Variants in MTUS1 observed in about 807,000 individuals in gnomAD.
MTUS1 encodes the protein microtubule-associated tumor suppressor 1.
Under a neutral mutation model 120.8 loss-of-function variants are expected in MTUS1, and 109 were observed. That is an observed-to-expected ratio of 0.90 (90% CI 0.77 to 1.06). The LOEUF (loss-of-function observed/expected upper bound fraction) is 1.06, where lower values mean the gene tolerates loss of function less well. MTUS1 is among the 50% of genes least tolerant of loss of function. MTUS1 has a pLI of 0.00. For missense variants in MTUS1, 2,210 were observed against 1,486.3 expected, an observed-to-expected ratio of 1.49 and a Z score of -8.01; for synonymous variants, 737 against 550.5, an observed-to-expected ratio of 1.34 and a Z score of -4.74.
chr8:17,775,537 C>A (rs1227066771), intron 1 of MTUS1, among the ~76,000 whole-genome samples: 4 of 152,172 alleles, frequency 2.6e-5, no homozygotes, highest in African/African-American at 9.7e-5. Flanking sequence ...AGAAAGCAGC[C>A]ATGTGTACAT....
At chr8:17,705,247 G>A (rs1819923392) in intron 6 of MTUS1, among the ~76,000 whole-genome samples, 1 of 152,170 alleles carries the variant, frequency 6.6e-6, no homozygotes, top group Non-Finnish European at 1.5e-5. Context: ...GCCCCCCAAA[G>A]TGTTGGGATT....
chr8:17,711,169 C>T (rs1174561988), intron 6 of MTUS1, among the ~76,000 whole-genome samples: 3 of 152,144 alleles, frequency 2.0e-5, no homozygotes, highest in Admixed American at 1.3e-4. Context: ...TTAAAATTAC[C>T]AGAAGTATTA....
At chr8:17,765,371 G>C (rs1411916534) in intron 1 of MTUS1, among the ~76,000 whole-genome samples, 4 of 152,144 alleles carry the variant, frequency 2.6e-5, no homozygotes, top group Non-Finnish European at 5.9e-5. Flanking sequence ...GCTCATGCCT[G>C]TAATCCCAGC....
chr8:17,719,156 T>G (rs1386734298), intron 4 of MTUS1, among the ~76,000 whole-genome samples: 1 of 151,728 alleles, frequency 6.6e-6, no homozygotes, highest in Non-Finnish European at 1.5e-5. Flanking sequence ...GGCAACAGAG[T>G]GAGACTCTGT....
At chr8:17,761,240 T>C (rs1288812221) in intron 1 of MTUS1, among the ~76,000 whole-genome samples, 1 of 152,172 alleles carries the variant, frequency 6.6e-6, no homozygotes, top group Non-Finnish European at 1.5e-5. Context: ...AAAAAAACTT[T>C]CTAAATCTTA....
intron 1 of MTUS1, among the ~76,000 whole-genome samples, chr8:17,796,221 G>A (rs894779485): frequency 2.0e-3 from 1 of 494 alleles, no homozygotes; most frequent in Non-Finnish European, 6.7e-3. Context: ...AAAGTGCTGG[G>A]ATTACAATGA....
intron 5 of MTUS1, among the ~76,000 whole-genome samples, chr8:17,714,500 T>G (rs926906301): frequency 2.0e-5 from 3 of 152,168 alleles, no homozygotes; most frequent in African/African-American, 7.2e-5. Flanking sequence ...TGACTCACAT[T>G]TGAAGAGGTT....
At chr8:17,704,061 C>G (rs920768965) in intron 6 of MTUS1, 1 of 152,632 alleles carries the variant, frequency 6.6e-6, no homozygotes, top group African/African-American at 2.4e-5. Flanking sequence ...TGTACTCTTT[C>G]TCTTTATTTC....
At chr8:17,691,392 G>T (rs116114546) in intron 6 of MTUS1, 8 of 152,304 alleles carry the variant, frequency 5.3e-5, no homozygotes, top group Admixed American at 1.3e-4. Flanking sequence ...TTCATGTCAC[G>T]GCAAAGCTAC....
At chr8:17,759,169 C>T (rs1382571016) in intron 1 of MTUS1, among the ~76,000 whole-genome samples, 1 of 152,202 alleles carries the variant, frequency 6.6e-6, no homozygotes, top group Non-Finnish European at 1.5e-5. Context: ...GCATGAGCCA[C>T]CATGCCCGGC....
intron 4 of MTUS1, among the ~76,000 whole-genome samples, chr8:17,716,894 C>A (rs183969588): frequency 6.6e-6 from 1 of 152,142 alleles, no homozygotes; most frequent in Non-Finnish European, 1.5e-5. Context: ...ATTCTAGGCA[C>A]CCAATTCTAT....
At chr8:17,720,992 T>C (rs449459) in intron 4 of MTUS1, among the ~76,000 whole-genome samples, 81,403 of 151,998 alleles carry the variant, frequency 0.54, 22,692 homozygotes, top group Middle Eastern at 0.71. Flanking sequence ...ATTTAAAAAA[T>C]TTAGTAACAT....
At chr8:17,658,564 G>A (rs1391870117) in intron 8 of MTUS1, among the ~76,000 whole-genome samples, 1 of 152,188 alleles carries the variant, frequency 6.6e-6, no homozygotes, top group African/African-American at 2.4e-5. Flanking sequence ...GGATACACAT[G>A]CTGTCCACAT....
intron 6 of MTUS1, among the ~76,000 whole-genome samples, chr8:17,711,088 G>T (rs999741902): frequency 6.6e-6 from 1 of 152,126 alleles, no homozygotes; most frequent in Non-Finnish European, 1.5e-5. Context: ...TAGAGCACAG[G>T]CAGAGTAGAT....
intron 1 of MTUS1, among the ~76,000 whole-genome samples, chr8:17,757,401 T>C (rs780684443): frequency 4.6e-5 from 7 of 152,342 alleles, no homozygotes; most frequent in Middle Eastern, 3.4e-3. Context: ...TGCGAGTATG[T>C]TCTAAAACTA....
intron 9 of MTUS1, 47 bp downstream of exon 9, chr8:17,655,816 G>A (rs1326983208): frequency 2.6e-6 from 4 of 1,544,542 alleles, no homozygotes. Flanking sequence ...CAGGATTCAA[G>A]TAAGCAGCAG....
intron 1 of MTUS1, among the ~76,000 whole-genome samples, chr8:17,778,571 C>T (rs1298926596): frequency 6.6e-6 from 1 of 152,076 alleles, no homozygotes; most frequent in Non-Finnish European, 1.5e-5. Context: ...AATCCCAGCA[C>T]TTTGGAGGGA....
chr8:17,735,874 A>G (rs1037499937), intron 3 of MTUS1, among the ~76,000 whole-genome samples: 5 of 152,246 alleles, frequency 3.3e-5, no homozygotes, highest in African/African-American at 9.6e-5. Context: ...GGAGACAGAC[A>G]TGTAAGGAAA....
chr8:17,675,364 G>C (rs1812886513), intron 7 of MTUS1, 112 bp from the exon 8 acceptor site: 1 of 801,910 alleles, frequency 1.2e-6, no homozygotes. Flanking sequence ...GCCAAGATAT[G>C]AATCATTTAG....
Sources: allele counts gnomAD v4.1 joint callset (sites outside exome capture counted in the v4.1 genomes callset), GRCh38; gene constraint gnomAD v4.1.1; transcripts MANE v1.5; gene names NCBI Gene and HGNC (gene_info 2026-07-23, HGNC 2026-07-21).